LARP4: variants seen among roughly 807,000 people sequenced by gnomAD.
LARP4 encodes the protein la-related protein 4.
A neutral mutation model predicts 92.9 loss-of-function variants in LARP4; 29 were observed. That is an observed-to-expected ratio of 0.31 (90% CI 0.23 to 0.43). The LOEUF is 0.43. LARP4 is among the 20% of genes least tolerant of loss of function. The pLI is 1.00. For synonymous variants in LARP4, 279 were observed against 284.1 expected, an observed-to-expected ratio of 0.98 and a Z score of 0.18; for missense variants, 732 against 860.0, an observed-to-expected ratio of 0.85 and a Z score of 1.86.
intron 13 of LARP4, among the ~76,000 whole-genome samples, chr12:50,470,558 C>T (rs141632636): frequency 0.026 from 3,933 of 152,182 alleles, 70 homozygotes; most frequent in Non-Finnish European, 0.044. Context: ...CTCAGCCTCC[C>T]AGGTAGCTGG....
intron 10 of LARP4, among the ~76,000 whole-genome samples, chr12:50,458,742 TAC>T (rs1184410876): frequency 3.9e-5 from 6 of 152,240 alleles, no homozygotes; most frequent in Admixed American, 2.0e-4. Context: ...CTGATTAAAC[TAC>T]ATTCTTTTTA....
chr12:50,467,867 T>A (rs999652047), intron 13 of LARP4, among the ~76,000 whole-genome samples: 20 of 151,990 alleles, frequency 1.3e-4, no homozygotes, highest in African/African-American at 3.9e-4. Flanking sequence ...GTTTTTTTTT[T>A]AATTATAACA....
intron 3 of LARP4, among the ~76,000 whole-genome samples, chr12:50,430,124 A>G (rs1208309627): frequency 7.5e-6 from 1 of 132,458 alleles, no homozygotes. Context: ...GCCTGTGGCC[A>G]AGGTAGGAGG....
intron 13 of LARP4, among the ~76,000 whole-genome samples, chr12:50,470,840 G>C (rs892898495): frequency 1.3e-5 from 2 of 152,082 alleles, no homozygotes; most frequent in East Asian, 3.9e-4. Flanking sequence ...TTCCCCTTCA[G>C]ATATAAACAT....
chr12:50,428,554 C>T (rs1284465754), intron 2 of LARP4, among the ~76,000 whole-genome samples: 1 of 152,152 alleles, frequency 6.6e-6, no homozygotes, highest in Non-Finnish European at 1.5e-5. Context: ...TATCTACCAT[C>T]ATTGACTCTG....
rs374242008 is a variant in LARP4 at position 50,475,670 on chromosome 12, G to T, written c.1981G>T (p.Val661Phe). Residue 661 changes from valine to phenylalanine, a missense_variant, in exon 16 of 16, where the codon GTT (valine) becomes TTT (phenylalanine). Around this residue, in one of 7 missense-constraint regions of LARP4, gnomAD observed 115 missense variants for 129.1 expected, o/e 0.89. Transcript: ENST00000398473. ...AGACAATGGAGCTCCTGAGAACTCCGTTGAGAAACCACATGAGAAGCCAGA... is the reference window on the plus strand; with the variant it reads ...AGACAATGGAGCTCCTGAGAACTCCTTTGAGAAACCACATGAGAAGCCAGA... ...NEDNGAPENSVEKPHEKPEAR... is the reference protein window; with the variant it reads ...NEDNGAPENSFEKPHEKPEAR... 6.2e-7 allele frequency: 1 copy of T among 1,613,968 alleles called. No individual in the cohort carries two copies. Among genetic ancestry groups the T allele is most frequent in the Non-Finnish European group, 8.5e-7 (1 of 1,180,036 alleles).
In LARP4 at chr12:50,466,931, G is replaced by A. The variant is rs1956226295; in HGVS notation, c.1384-28G>A. On this transcript the variant is annotated intron_variant, in intron 12 of 15. Coordinates refer to ENST00000398473, the MANE Select transcript of LARP4 (RefSeq NM_052879.5). ...GGATTAGGGAATGAGATAGCCATGTGACCTGTTTTATTATTTGTTCATTTT... is the reference window on the plus strand; with the variant it reads ...GGATTAGGGAATGAGATAGCCATGTAACCTGTTTTATTATTTGTTCATTTT... 4 of 1,590,870 alleles carry A rather than the reference G, an allele frequency of 2.5e-6. 1 individual carries two copies. Among genetic ancestry groups the A allele is most frequent in the South Asian group, 2.2e-5 (2 of 89,576 alleles).
At chr12:50,435,104 A>G (rs1950222632) in intron 4 of LARP4, among the ~76,000 whole-genome samples, 1 of 152,164 alleles carries the variant, frequency 6.6e-6, no homozygotes, top group African/African-American at 2.4e-5. Context: ...CAGTTCAGCT[A>G]CAGTTTTTAT....
Position 50,465,152 on chromosome 12 carries a change from G to T in LARP4, c.1384-1807G>T, listed in dbSNP as rs755031194. The stretch of plus-strand genomic sequence containing the variant: ...TTTGGGAGGCCCCGGTGGGTGCATT[G>T]CCTGAGGGTAGGATTTCAAGACCAT... On this transcript the variant is annotated intron_variant, in intron 12 of 15. Coordinates refer to ENST00000398473, the MANE Select transcript of LARP4 (RefSeq NM_052879.5). Among the ~76,000 whole-genome samples the T allele has an allele frequency of 2.4e-4, 36 of 151,884 alleles. 1 individual carries two copies. The highest frequency in any genetic ancestry group is 6.6e-4 in the Admixed American group (10 of 15,242).
At chr12:50,431,491 C>T (rs1949649424) in intron 4 of LARP4, among the ~76,000 whole-genome samples, 2 of 152,084 alleles carry the variant, frequency 1.3e-5, no homozygotes, top group South Asian at 4.1e-4. Context: ...TTTATATTGC[C>T]AATGTCTTCT....
At chr12:50,426,684 GGTGTGTGT>G (rs762987529) in intron 1 of LARP4, among the ~76,000 whole-genome samples, 2,845 of 85,652 alleles carry the variant, frequency 0.033, 52 homozygotes, top group African/African-American at 0.073. Context: ...TTATGTTTGG[GGTGTGTGT>G]GTGTGTGTGT....
chr12:50,433,397 A>G (rs1364342974), intron 4 of LARP4, among the ~76,000 whole-genome samples: 3 of 151,206 alleles, frequency 2.0e-5, no homozygotes, highest in Non-Finnish European at 4.4e-5. Context: ...TGGGTAATTG[A>G]CATTTGTAGC....
chr12:50,431,983 CAA>C (rs1470434742), intron 4 of LARP4, among the ~76,000 whole-genome samples: 9 of 152,122 alleles, frequency 5.9e-5, no homozygotes, highest in African/African-American at 2.2e-4. Flanking sequence ...TACGAAAATA[CAA>C]AAATTAGCGG....
intron 1 of LARP4, among the ~76,000 whole-genome samples, chr12:50,425,141 C>T (rs568032137): frequency 2.3e-4 from 35 of 151,860 alleles, no homozygotes; most frequent in Admixed American, 2.0e-3. Context: ...AGCGAGACTC[C>T]GTCTCAAAAA....
chr12:50,431,097 G>A (rs1468016327), intron 4 of LARP4, among the ~76,000 whole-genome samples: 5 of 151,872 alleles, frequency 3.3e-5, no homozygotes, highest in Admixed American at 6.6e-5. Context: ...GAGAAACCCC[G>A]TCTCTACTAA....
intron 1 of LARP4, among the ~76,000 whole-genome samples, chr12:50,426,783 G>T (rs1948864278): frequency 7.0e-6 from 1 of 143,542 alleles, no homozygotes; most frequent in Non-Finnish European, 1.5e-5. Context: ...CTGTCTCCCA[G>T]GCTGGAGTGC....
rs531099759 is a variant in LARP4, at chr12:50,452,538, A to C, written c.805-922A>C. Reference sequence around the variant, plus strand: ...GTTTCCATACTGGCTATACTAATTTACCTTCCCAGCAACAGTGTACAAAAG... The same window carrying C: ...GTTTCCATACTGGCTATACTAATTTCCCTTCCCAGCAACAGTGTACAAAAG... On this transcript the variant is annotated intron_variant, in intron 8 of 15. Transcript: ENST00000398473. Among the ~76,000 whole-genome samples, 3 of 152,192 alleles carry C rather than the reference A, an allele frequency of 2.0e-5. No individual in the cohort carries two copies. The East Asian group carries it at 5.8e-4, about 29-fold the overall frequency.
chr12:50,450,602 A>G (rs192014677), intron 8 of LARP4, among the ~76,000 whole-genome samples: 2 of 151,846 alleles, frequency 1.3e-5, no homozygotes, highest in East Asian at 2.0e-4. Flanking sequence ...GGGTTCAAGC[A>G]ATTCTCCTGC....
chr12:50,419,561 G>A (rs1156982586), intron 1 of LARP4, among the ~76,000 whole-genome samples: 1 of 152,038 alleles, frequency 6.6e-6, no homozygotes. Context: ...GTCCAGATTG[G>A]TAGTCTTCCT....
Sources: gnomAD v4.1 joint callset for allele counts (sites outside exome capture counted in the v4.1 genomes callset) on GRCh38, gnomAD v4.1.1 for gene constraint, gnomAD v4.1.1 regional missense constraint, MANE v1.5 for transcripts, NCBI Gene and HGNC (gene_info 2026-07-23, HGNC 2026-07-21) for gene names.